The following BBS9 variants were observed in gnomAD, a reference collection of about 807,000 sequenced individuals.
The protein encoded by BBS9 is Bardet-Biedl syndrome 9, also known as protein PTHB1.
A neutral mutation model predicts 117.7 loss-of-function variants in BBS9; 89 were observed. The observed-to-expected ratio is 0.76, with a 90% CI of 0.64 to 0.90. BBS9 has a LOEUF of 0.90. BBS9 is among the 40% of genes least tolerant of loss of function. The pLI is 0.00. For missense variants in BBS9, 982 were observed against 1,042.2 expected (o/e 0.94, Z 0.80); for synonymous variants, 379 against 370.9 (o/e 1.02, Z -0.25).
chr7:33,444,651 A>G (rs1836723271), intron 19 of BBS9, among the ~76,000 whole-genome samples: 1 of 152,212 alleles, frequency 6.6e-6, no homozygotes, highest in Admixed American at 6.5e-5. Flanking sequence ...GGCTCCAAAG[A>G]ACGTGTACTA....
At chr7:33,635,425 G>C (rs946839486) in exon 22 of BBS9, among the ~76,000 whole-genome samples, 1 of 152,188 alleles carries the variant, frequency 6.6e-6, no homozygotes, top group Non-Finnish European at 1.5e-5. Context: ...AGCCAAGGGG[G>C]TGCCAGGGAG....
chr7:33,400,007 A>G (rs1466401478), intron 19 of BBS9, among the ~76,000 whole-genome samples: 2 of 152,112 alleles, frequency 1.3e-5, no homozygotes, highest in African/African-American at 4.8e-5. Context: ...AATTGAATGC[A>G]TGCTTCTTTA....
intron 19 of BBS9, among the ~76,000 whole-genome samples, chr7:33,469,694 A>G (rs1459654661): frequency 6.6e-6 from 1 of 152,156 alleles, no homozygotes; most frequent in East Asian, 1.9e-4. Flanking sequence ...ACTTTTTTGC[A>G]TCAAGCACCT....
chr7:33,435,735 CATAT>C (rs1347586790), intron 19 of BBS9, among the ~76,000 whole-genome samples: 1 of 152,114 alleles, frequency 6.6e-6, no homozygotes, highest in African/African-American at 2.4e-5. Context: ...AATAGCAGTG[CATAT>C]TTTATGGAGA....
chr7:33,597,254 A>C (rs1863002663), intron 21 of BBS9, among the ~76,000 whole-genome samples: 1 of 146,858 alleles, frequency 6.8e-6, no homozygotes, highest in Admixed American at 6.7e-5. Context: ...TGAAATCTCA[A>C]AAAAACACTT....
chr7:33,608,867 T>A (rs1185952239), downstream of BBS9, among the ~76,000 whole-genome samples: 1 of 130,818 alleles, frequency 7.6e-6, no homozygotes, highest in Non-Finnish European at 1.5e-5. Flanking sequence ...GTTAATTAGG[T>A]CCTACTTATC....
chr7:33,230,626 T>C (rs532399833), intron 5 of BBS9, among the ~76,000 whole-genome samples: 16 of 152,098 alleles, frequency 1.1e-4, no homozygotes, highest in Non-Finnish European at 2.2e-4. Flanking sequence ...CTGTACACCT[T>C]TGTGTTCCCG....
intron 1 of BBS9, among the ~76,000 whole-genome samples, 199 bp from the exon 2 acceptor site, chr7:33,146,043 A>G (rs1236224826): frequency 6.6e-6 from 1 of 152,254 alleles, no homozygotes; most frequent in Non-Finnish European, 1.5e-5. Flanking sequence ...TCTCAGCCCA[A>G]TTTACTAACG....
intron 5 of BBS9, among the ~76,000 whole-genome samples, chr7:33,190,246 A>C (rs2128189847): frequency 6.6e-6 from 1 of 151,256 alleles, no homozygotes; most frequent in South Asian, 2.1e-4. Flanking sequence ...CAGCCTCCTG[A>C]GCAGCTGGGT....
Position 33,257,364 on chromosome 7 carries a change from G to T in BBS9, c.571G>T (p.Asp191Tyr). The change falls in exon 6 of 23, where the codon GAT becomes TAT. Residue 191 changes from aspartate (D) to tyrosine (Y), a missense_variant. Transcript: ENST00000242067. Reference sequence around the variant, plus strand: ...TCCTCTTGCCTACAGTTCCCGTACAGATTCCTTCCTTACTGTCTCTTCCTG... The same window carrying T: ...TCCTCTTGCCTACAGTTCCCGTACATATTCCTTCCTTACTGTCTCTTCCTG... ...PGPLAYSSRT[D>Y]SFLTVSSCQQ... is the part of the protein sequence containing the mutation. The T allele has an allele frequency of 6.2e-7, 1 of 1,613,968 alleles. No individual in the cohort carries two copies. Among genetic ancestry groups the T allele is most frequent in the Non-Finnish European group, 8.5e-7 (1 of 1,179,920 alleles).
At chr7:33,477,339 T>A (rs2128966386) in intron 19 of BBS9, among the ~76,000 whole-genome samples, 1 of 152,294 alleles carries the variant, frequency 6.6e-6, no homozygotes, top group East Asian at 1.9e-4. Flanking sequence ...AAATGAGTTT[T>A]CTATAGGAAA....
At chr7:33,622,153 T>A (rs1865439966) in intron 21 of BBS9, among the ~76,000 whole-genome samples, 1 of 152,048 alleles carries the variant, frequency 6.6e-6, no homozygotes, top group Non-Finnish European at 1.5e-5. Context: ...GAGGTTGCAG[T>A]GAGCTGAGAT....
intron 21 of BBS9, chr7:33,534,484 G>A (rs984354270): frequency 2.3e-6 from 1 of 434,132 alleles, no homozygotes; most frequent in African/African-American, 2.0e-5. Flanking sequence ...TTAAGAAAAA[G>A]TTTTACTAAA....
chr7:33,308,899 G>A (rs1368862310), intron 9 of BBS9, among the ~76,000 whole-genome samples: 1 of 152,170 alleles, frequency 6.6e-6, no homozygotes, highest in Admixed American at 6.5e-5. Flanking sequence ...CATTTTTAAA[G>A]CAACGTAAAA....
chr7:33,528,474 A>T (rs1274234639), intron 20 of BBS9, among the ~76,000 whole-genome samples: 1 of 152,162 alleles, frequency 6.6e-6, no homozygotes, highest in Non-Finnish European at 1.5e-5. Flanking sequence ...TTTCTATTAT[A>T]AACATAGGTT....
intron 5 of BBS9, among the ~76,000 whole-genome samples, chr7:33,227,998 T>C (rs10254135): frequency 6.6e-6 from 1 of 152,160 alleles, no homozygotes; most frequent in African/African-American, 2.4e-5. Context: ...TATCCAGTAG[T>C]GGCATTACTG....
intron 17 of BBS9, among the ~76,000 whole-genome samples, chr7:33,382,108 G>A (rs747928113): frequency 6.6e-6 from 1 of 152,134 alleles, no homozygotes; most frequent in Non-Finnish European, 1.5e-5. Context: ...CTGCATAATA[G>A]ATGGTCAATA....
intron 4 of BBS9, among the ~76,000 whole-genome samples, chr7:33,174,955 A>T (rs550530445): frequency 9.2e-5 from 14 of 152,314 alleles, no homozygotes; most frequent in Non-Finnish European, 1.6e-4. Context: ...TCCTCCATCA[A>T]GGTCAGCAGG....
At chr7:33,221,474 C>G (rs934973911) in intron 5 of BBS9, among the ~76,000 whole-genome samples, 19 of 152,142 alleles carry the variant, frequency 1.2e-4, no homozygotes, top group Admixed American at 1.2e-3. Context: ...AAATATCTAT[C>G]TTTGGTTATT....
Sources: allele counts gnomAD v4.1 joint callset (sites outside exome capture counted in the v4.1 genomes callset), GRCh38; gene constraint gnomAD v4.1.1; transcripts MANE v1.5; gene names NCBI Gene and HGNC (gene_info 2026-07-23, HGNC 2026-07-21).